The following CCSER1 variants were observed in gnomAD, a reference collection of about 807,000 sequenced individuals.
CCSER1 encodes the protein coiled-coil serine rich protein 1.
A neutral mutation model predicts 82.0 loss-of-function variants in CCSER1; 41 were observed. The observed-to-expected ratio is 0.50, with a 90% CI of 0.39 to 0.65. The LOEUF (loss-of-function observed/expected upper bound fraction) is 0.65, where lower values mean the gene tolerates loss of function less well. CCSER1 is among the 30% of genes least tolerant of loss of function. The pLI, the probability that CCSER1 is intolerant of heterozygous loss-of-function variation, is 0.00. For missense variants in CCSER1, 1,119 were observed against 1,064.2 expected (o/e 1.05, Z -0.72); for synonymous variants, 414 against 383.9 (o/e 1.08, Z -0.92).
intron 1 of CCSER1, among the ~76,000 whole-genome samples, chr4:90,158,101 C>T (rs1026695496): frequency 3.9e-5 from 6 of 152,128 alleles, no homozygotes; most frequent in Non-Finnish European, 5.9e-5. Context: ...CAGACAGGAC[C>T]CTCAGCTGCA....
intron 5 of CCSER1, among the ~76,000 whole-genome samples, chr4:90,605,605 A>G (rs1784602920): frequency 6.6e-6 from 1 of 151,950 alleles, no homozygotes; most frequent in Non-Finnish European, 1.5e-5. Flanking sequence ...CTCCAACATT[A>G]TGTCTTTTTC....
chr4:90,524,317 A>G (rs1773484284), intron 5 of CCSER1, among the ~76,000 whole-genome samples: 1 of 152,224 alleles, frequency 6.6e-6, no homozygotes, highest in African/African-American at 2.4e-5. Context: ...ATATCACCAC[A>G]GCAAGCTGCC....
chr4:91,598,925 G>T lies in CCSER1; in HGVS notation c.2571G>T (p.Ser857=). The change falls in exon 11 of 11, where the codon TCG becomes TCT. Residue 857 remains serine (S), a synonymous_variant. Coordinates refer to ENST00000509176, the MANE Select transcript of CCSER1 (RefSeq NM_001145065.2). ...AAGTTGCTACGGCCCGACAGCATTC[G>T]ACCTTTACAGGCAGGTTTGGACAGC... ...KDQVATARQH[S]TFTGRFGQPP... is the part of the protein sequence containing the mutation. 1.3e-6 allele frequency: 2 copies of T among 1,551,550 alleles called. No individual in the cohort carries two copies. Among genetic ancestry groups the T allele is most frequent in the Non-Finnish European group, 1.7e-6 (2 of 1,146,910 alleles).
At chr4:90,917,669 A>G (rs1481522914) in intron 8 of CCSER1, among the ~76,000 whole-genome samples, 1 of 152,116 alleles carries the variant, frequency 6.6e-6, no homozygotes, top group East Asian at 1.9e-4. Context: ...TAATTTTTTA[A>G]AAAAGATCAA....
intron 5 of CCSER1, among the ~76,000 whole-genome samples, chr4:90,551,704 C>CTATATATATATATATA (rs1242206717): frequency 9.3e-5 from 10 of 107,536 alleles, no homozygotes; most frequent in African/African-American, 3.6e-4. Context: ...CTCTCTCTCT[C>CTATATATATATATATA]TCTATATATA....
chr4:90,396,254 C>T (rs534074746), intron 3 of CCSER1, among the ~76,000 whole-genome samples: 1 of 152,226 alleles, frequency 6.6e-6, no homozygotes, highest in African/African-American at 2.4e-5. Context: ...TGCATAATTG[C>T]ACCCTCTTAT....
intron 1 of CCSER1, among the ~76,000 whole-genome samples, chr4:90,280,161 C>A (rs991420436): frequency 1.3e-5 from 2 of 151,894 alleles, no homozygotes; most frequent in African/African-American, 4.8e-5. Flanking sequence ...ACTAATGAAT[C>A]TGATTAAAGT....
intron 8 of CCSER1, among the ~76,000 whole-genome samples, chr4:90,849,586 A>G (rs1433612104): frequency 1.3e-5 from 2 of 152,000 alleles, no homozygotes; most frequent in Non-Finnish European, 2.9e-5. Flanking sequence ...TCAGGAGATC[A>G]AGACCATCCT....
chr4:90,408,025 C>A (rs1243910596), intron 4 of CCSER1, among the ~76,000 whole-genome samples: 3 of 152,184 alleles, frequency 2.0e-5, no homozygotes, highest in Non-Finnish European at 4.4e-5. Flanking sequence ...GTCCACGGAG[C>A]CTCACTCATT....
chr4:91,213,087 T>G (rs1736958311), intron 10 of CCSER1, among the ~76,000 whole-genome samples: 1 of 151,706 alleles, frequency 6.6e-6, no homozygotes, highest in Admixed American at 6.6e-5. Flanking sequence ...TTTTTATGGC[T>G]ACATAGTATT....
At chr4:90,608,490 A>G (rs927201395) in intron 5 of CCSER1, among the ~76,000 whole-genome samples, 4 of 152,172 alleles carry the variant, frequency 2.6e-5, no homozygotes, top group Non-Finnish European at 4.4e-5. Context: ...TATCCCATTA[A>G]ATTCACAGTT....
chr4:91,041,434 G>T (rs916720516), intron 9 of CCSER1, among the ~76,000 whole-genome samples: 2 of 152,082 alleles, frequency 1.3e-5, no homozygotes, highest in African/African-American at 4.8e-5. Flanking sequence ...TGCTTTGTGG[G>T]TTACATTAGA....
intron 10 of CCSER1, among the ~76,000 whole-genome samples, chr4:91,531,140 C>A (rs1383245697): frequency 1.3e-5 from 2 of 152,068 alleles, no homozygotes; most frequent in Admixed American, 6.6e-5. Flanking sequence ...AAGACATTGG[C>A]AGAAATAATT....
Position 91,600,046 on chromosome 4 carries a change from G to T in CCSER1, c.*989G>T, listed in dbSNP as rs1367255925. 2 of 152,062 alleles carry T rather than the reference G, an allele frequency of 1.3e-5. No homozygotes were observed. The highest frequency in any genetic ancestry group is 2.1e-4 in the South Asian group (1 of 4,830). The allele number at this position is 152,062 out of a possible 1,614,324, so 9.4% of individuals were successfully genotyped here. On this transcript the variant is annotated 3_prime_UTR_variant, in exon 11 of 11. Coordinates refer to ENST00000509176, the MANE Select transcript of CCSER1 (RefSeq NM_001145065.2). ...AATTTTATGAACTGAAGAACAGAAA[G>T]TCAGTATTTTAGTAGCCAGCATACA... is the stretch of plus-strand genomic sequence containing the variant.
At chr4:90,281,830 G>T (rs903753267) in intron 1 of CCSER1, among the ~76,000 whole-genome samples, 1 of 152,010 alleles carries the variant, frequency 6.6e-6, no homozygotes, top group Non-Finnish European at 1.5e-5. Context: ...ACTTGAACAT[G>T]AGCAAAATTG....
chr4:91,154,652 G>T (rs1240268384), intron 10 of CCSER1, among the ~76,000 whole-genome samples: 2 of 151,890 alleles, frequency 1.3e-5, no homozygotes, highest in South Asian at 2.1e-4. Context: ...TTCCTATTTG[G>T]CCATCTTGGA....
At chr4:90,304,451 T>C (rs1197094522) in intron 1 of CCSER1, among the ~76,000 whole-genome samples, 2 of 152,176 alleles carry the variant, frequency 1.3e-5, no homozygotes, top group Non-Finnish European at 2.9e-5. Context: ...ATATACACCA[T>C]GGAATACTAT....
At chr4:91,185,606 G>A (rs1276275455) in intron 10 of CCSER1, among the ~76,000 whole-genome samples, 1 of 152,178 alleles carries the variant, frequency 6.6e-6, no homozygotes, top group African/African-American at 2.4e-5. Context: ...TTTAGAATGG[G>A]GCCCAGGACA....
intron 9 of CCSER1, among the ~76,000 whole-genome samples, chr4:90,935,652 C>A (rs114381849): frequency 5.2e-4 from 79 of 152,138 alleles, no homozygotes; most frequent in Middle Eastern, 3.4e-3. Context: ...ATTTAAATGG[C>A]ATTATAGTAA....
Sources: gnomAD v4.1 joint callset for allele counts (sites outside exome capture counted in the v4.1 genomes callset) on GRCh38, gnomAD v4.1.1 for gene constraint, MANE v1.5 for transcripts, NCBI Gene and HGNC (gene_info 2026-07-23, HGNC 2026-07-21) for gene names.